The following LTN1 variants were observed in gnomAD, a reference collection of about 807,000 sequenced individuals.
LTN1 encodes the protein E3 ubiquitin-protein ligase listerin.
LTN1 carries 88 observed loss-of-function variants against 201.2 expected under a neutral mutation model. The ratio of observed to expected loss-of-function variants is 0.44; its 90% CI spans 0.37 to 0.52. LTN1 has a LOEUF of 0.52. Ranked by LOEUF, LTN1 falls within the 20% of genes least tolerant of loss-of-function variation. LTN1 has a pLI of 0.00. For missense variants in LTN1, 1,752 were observed against 2,038.7 expected (o/e 0.86, Z 2.71); for synonymous variants, 645 against 713.5 (o/e 0.90, Z 1.53).
At chr21:28,968,317 A>G (rs921002111) in intron 9 of LTN1, among the ~76,000 whole-genome samples, 4 of 152,180 alleles carry the variant, frequency 2.6e-5, no homozygotes, top group Admixed American at 1.3e-4. Context: ...ATATGAGACT[A>G]TAAGTCAACA....
chr21:28,991,539 G>A (rs1313179397), intron 1 of LTN1, among the ~76,000 whole-genome samples: 1 of 152,190 alleles, frequency 6.6e-6, no homozygotes, highest in Non-Finnish European at 1.5e-5. Context: ...AATTAAGAGA[G>A]AGAAAGCAAA....
intron 1 of LTN1, among the ~76,000 whole-genome samples, chr21:28,991,695 A>C (rs900622191): frequency 6.6e-6 from 1 of 152,260 alleles, no homozygotes; most frequent in Non-Finnish European, 1.5e-5. Flanking sequence ...AAAAGATGCA[A>C]GTAAAGTGCT....
intron 25 of LTN1, among the ~76,000 whole-genome samples, chr21:28,939,984 A>T (rs552677284): frequency 5.3e-5 from 8 of 152,256 alleles, no homozygotes; most frequent in Non-Finnish European, 1.0e-4. Context: ...GCAAAAATTG[A>T]TATCTTTGTA....
At chr21:28,972,810 A>C (rs539444387) in intron 6 of LTN1, among the ~76,000 whole-genome samples, 1 of 152,308 alleles carries the variant, frequency 6.6e-6, no homozygotes, top group South Asian at 2.1e-4. Context: ...AAAGATTCAA[A>C]AAGTCCAACA....
intron 1 of LTN1, among the ~76,000 whole-genome samples, chr21:28,992,535 G>A (rs773502582): frequency 1.3e-5 from 2 of 152,156 alleles, no homozygotes; most frequent in Non-Finnish European, 2.9e-5. Context: ...GTGTGTGCTC[G>A]GATGAGGACA....
intron 8 of LTN1, 67 bp downstream of exon 8, chr21:28,970,485 A>G (rs2084564606): frequency 9.6e-7 from 1 of 1,044,384 alleles, no homozygotes; most frequent in Non-Finnish European, 1.4e-6. Flanking sequence ...TTTAAGTAAG[A>G]AAGAAAATGA....
chr21:28,973,945 A>G (rs2146306682), intron 6 of LTN1, among the ~76,000 whole-genome samples: 1 of 152,234 alleles, frequency 6.6e-6, no homozygotes. Context: ...GCAACTGAAT[A>G]CTCCATAACC....
chr21:28,980,108 T>C (rs928484497), intron 6 of LTN1, among the ~76,000 whole-genome samples: 7 of 152,160 alleles, frequency 4.6e-5, no homozygotes, highest in African/African-American at 1.7e-4. Flanking sequence ...TCAGCTCTCA[T>C]ACTGTAAACA....
intron 17 of LTN1, 86 bp downstream of exon 17, chr21:28,953,131 C>G: frequency 1.2e-6 from 1 of 817,110 alleles, no homozygotes; most frequent in Non-Finnish European, 1.9e-6. Flanking sequence ...GAAACATTAG[C>G]ATGCAGTAGG....
chr21:28,931,119 TA>T, intron 29 of LTN1, 35 bp downstream of exon 29: 1 of 1,364,104 alleles, frequency 7.3e-7, no homozygotes, highest in Non-Finnish European at 1.0e-6. Flanking sequence ...ATAAAATACA[TA>T]AAATATAAGT....
rs952024749 is a variant in LTN1, at chr21:28,988,690, G to A, written c.43-1756C>T. ...GTAAGTTTATTAAGAAAATAGGTCA[G>A]GCGCGGTGGTTCACGTCTGTAATCC... is the stretch of plus-strand genomic sequence containing the variant. On this transcript the variant is annotated intron_variant, in intron 1 of 29. Transcript: ENST00000361371. 1.4e-4 allele frequency among the ~76,000 whole-genome samples: 22 copies of A among 151,954 alleles called. No individual in the cohort carries two copies. In the South Asian group the frequency reaches 1.7e-3, roughly 11 times the overall value.
chr21:28,935,942 C>T (rs1001461926), intron 26 of LTN1, among the ~76,000 whole-genome samples: 1 of 150,480 alleles, frequency 6.6e-6, no homozygotes, highest in African/African-American at 2.4e-5. Flanking sequence ...AAATAGAATA[C>T]ACATATTTTA....
chr21:28,981,159 T>A lies in LTN1; in HGVS notation c.770A>T (p.Gln257Leu). The A allele has an allele frequency of 1.3e-6, 2 of 1,586,168 alleles. No homozygotes were observed. The highest frequency in any genetic ancestry group is 1.7e-6 in the Non-Finnish European group (2 of 1,172,168). Residue 257 changes from glutamine (Q) to leucine (L), a missense_variant, in exon 6 of 30, where the codon CAG becomes CTG. Transcript: ENST00000361371. Reference sequence around the variant, plus strand: ...TTTTCCATACTTCCAAAACTTATTCTGTGATAAAAGAGACTTAAATTTCTC... The same window carrying A: ...TTTTCCATACTTCCAAAACTTATTCAGTGATAAAAGAGACTTAAATTTCTC... Reference protein sequence around the residue: ...LEEKFKSLLSQNKFWKYGKHS... With the variant: ...LEEKFKSLLSLNKFWKYGKHS...
intron 1 of LTN1, among the ~76,000 whole-genome samples, chr21:28,990,104 C>T (rs2084733420): frequency 6.6e-6 from 1 of 152,158 alleles, no homozygotes; most frequent in Non-Finnish European, 1.5e-5. Context: ...ATCTTTCAAA[C>T]TCATGTTTGC....
chr21:28,945,271 G>C (rs2297251), intron 21 of LTN1, among the ~76,000 whole-genome samples: 24,519 of 151,922 alleles, frequency 0.16, 2,390 homozygotes, highest in East Asian at 0.49. Context: ...GTCTCAAATA[G>C]TTTAAGTTTA....
Position 28,947,548 on chromosome 21 carries a change from A to T in LTN1, c.3403T>A (p.Ser1135Thr). 6.3e-7 allele frequency: 1 copy of T among 1,596,778 alleles called. No homozygotes were observed. Among genetic ancestry groups the T allele is most frequent in the South Asian group, 1.1e-5 (1 of 87,002 alleles). The stretch of plus-strand genomic sequence containing the variant: ...CTAAATTCTTTCTTTTCTTCTTTTG[A>T]CAAAAATGGACATAGACTTTGAATG... The part of the protein sequence containing the change: ...HTIQSLCPFL[S>T]KEEKKEFSAQ... The change falls in exon 19 of 30, where the codon TCA (serine) becomes ACA (threonine). Residue 1135 changes from serine (S) to threonine (T), a missense_variant. Coordinates refer to ENST00000361371, the MANE Select transcript of LTN1 (RefSeq NM_015565.3).
intron 12 of LTN1, chr21:28,959,984 A>C: frequency 3.8e-6 from 1 of 263,276 alleles, no homozygotes; most frequent in Non-Finnish European, 7.2e-6. Context: ...AAAAAAAAAA[A>C]CCCTTTAGGA....
At chr21:28,939,135 C>G (rs1348533045) in intron 25 of LTN1, among the ~76,000 whole-genome samples, 12 of 152,086 alleles carry the variant, frequency 7.9e-5, no homozygotes, top group Admixed American at 6.5e-4. Flanking sequence ...AACTTTAATA[C>G]AGTATAGCAA....
At position 28,940,153 on chromosome 21, in the gene LTN1, T is replaced by C. The variant is rs1371140507; in HGVS notation, c.4482+1067A>G. ...GAAGGCACATATTTTATTAGGCTAA[T>C]TCAATCAAAGATTGACAGAGATTTG... On this transcript the variant is annotated intron_variant, in intron 25 of 29. Transcript: ENST00000361371. 1.1e-4 allele frequency among the ~76,000 whole-genome samples: 16 copies of C among 152,248 alleles called. No homozygotes were observed. In the East Asian group the frequency reaches 3.1e-3, roughly 29 times the overall value.
Sources: gnomAD v4.1 joint callset for allele counts (sites outside exome capture counted in the v4.1 genomes callset) on GRCh38, gnomAD v4.1.1 for gene constraint, MANE v1.5 for transcripts, NCBI Gene and HGNC (gene_info 2026-07-23, HGNC 2026-07-21) for gene names.